Variants in ARPC5L observed in about 807,000 individuals in gnomAD.
ARPC5L encodes actin-related protein 2/3 complex subunit 5-like protein.
In ARPC5L, 4 loss-of-function variants were observed where a neutral mutation model predicts 16.9. That is an observed-to-expected ratio of 0.24 (90% confidence interval 0.12 to 0.54). ARPC5L has a LOEUF of 0.54. Ranked by LOEUF, ARPC5L falls within the 20% of genes least tolerant of loss-of-function variation. The probability of loss-of-function intolerance (pLI) is 0.95; values close to 1 mark genes in which losing one functional copy is unlikely to be tolerated. For synonymous variants in ARPC5L, 78 were observed against 82.6 expected (o/e 0.94, Z 0.30); for missense variants, 151 against 201.9 (o/e 0.75, Z 1.53).
Position 124,862,295 on chromosome 9 carries a change from C to T in ARPC5L, c.-1087C>T, listed in dbSNP as rs779219313. 3 of 211,382 alleles carry T rather than the reference C, an allele frequency of 1.4e-5. No homozygotes were observed. The highest frequency in any genetic ancestry group is 2.8e-5 in the Non-Finnish European group (3 of 106,222). The allele number at this position is 211,382 out of a possible 1,614,324, so 13.1% of individuals were successfully genotyped here. ...TTCCTTCGGGAAACCTTGCAGATCT[C>T]CCAATCTGGGCAACTCTGAGCTGGG... On this transcript the variant is annotated 5_prime_UTR_variant, in exon 1 of 6. Transcript: ENST00000353214.
chr9:124,866,267 G>A (rs1212008039), intron 2 of ARPC5L, among the ~76,000 whole-genome samples: 1 of 151,608 alleles, frequency 6.6e-6, no homozygotes, highest in African/African-American at 2.4e-5. Context: ...AGCCAGGTGT[G>A]GTGGCAGGTG....
rs377260680 is a variant in ARPC5L at position 124,874,967 on chromosome 9, G to C, written c.223-8G>C. 1 of 1,613,440 alleles carries C rather than the reference G, an allele frequency of 6.2e-7. No homozygotes were observed. Among genetic ancestry groups the C allele is most frequent in the Admixed American group, 1.7e-5 (1 of 59,988 alleles). On this transcript the variant is annotated splice_region_variant and splice_polypyrimidine_tract_variant and intron_variant, in intron 4 of 5. Coordinates refer to ENST00000353214, the MANE Select transcript of ARPC5L (RefSeq NM_030978.3). ...CTCTGGGACTCACTTGCTCTTTTTCGTCTGCAGGAGCGAGCCCAGGGCGTG... is the reference window on the plus strand; with the variant it reads ...CTCTGGGACTCACTTGCTCTTTTTCCTCTGCAGGAGCGAGCCCAGGGCGTG...
chr9:124,865,807 C>CA (rs969601351), intron 2 of ARPC5L, among the ~76,000 whole-genome samples: 7 of 148,614 alleles, frequency 4.7e-5, no homozygotes, highest in East Asian at 2.0e-4. Flanking sequence ...AAACAAAAAA[C>CA]AAAAAAAACA....
At chr9:124,867,950 C>T (rs926948941) in intron 2 of ARPC5L, among the ~76,000 whole-genome samples, 1 of 151,980 alleles carries the variant, frequency 6.6e-6, no homozygotes, top group African/African-American at 2.4e-5. Context: ...GCTGGGATTA[C>T]AGGCATGCGC....
rs1238486036 is a variant in ARPC5L, at chr9:124,875,146, G to A, written c.394G>A (p.Glu132Lys). Reference protein sequence around the residue: ...NSSAVLLQWHEKALAVGGLGS... With the variant: ...NSSAVLLQWHKKALAVGGLGS... Reference sequence around the variant, plus strand: ...CAGCGCAGTGTTACTCCAGTGGCACGAAAAGGTATGTGAACGCTGCCACGC... The same window carrying A: ...CAGCGCAGTGTTACTCCAGTGGCACAAAAAGGTATGTGAACGCTGCCACGC... The change falls in exon 5 of 6, where the codon GAA becomes AAA. Residue 132 changes from glutamate to lysine, a missense_variant. By Grantham distance (56) the Glu-to-Lys change is moderately conservative. Coordinates refer to ENST00000353214, the MANE Select transcript of ARPC5L (RefSeq NM_030978.3). The A allele has an allele frequency of 1.9e-6, 3 of 1,613,632 alleles. No homozygotes were observed. The highest frequency in any genetic ancestry group is 1.7e-5 in the Admixed American group (1 of 59,964).
intron 3 of ARPC5L, among the ~76,000 whole-genome samples, chr9:124,870,531 CCT>C (rs1829340975): frequency 6.6e-6 from 1 of 152,068 alleles, no homozygotes; most frequent in Admixed American, 6.5e-5. Flanking sequence ...CGGCAGTGCT[CCT>C]GAGTGTGCCT....
chr9:124,864,330 G>A (rs931640895), intron 2 of ARPC5L, among the ~76,000 whole-genome samples: 1 of 151,660 alleles, frequency 6.6e-6, no homozygotes, highest in African/African-American at 2.4e-5. Flanking sequence ...GGATTACATA[G>A]GTGCGTGCCA....
At position 124,868,724 on chromosome 9, in the gene ARPC5L, C is replaced by T. The variant is rs899780569; in HGVS notation, c.-567C>T. ...GTTCAAGGCTCCGAGACACAGGCGC[C>T]TCCCGCGCCACTCCCCGGGCACAGG... On this transcript the variant is annotated 5_prime_UTR_variant, in exon 3 of 6. Transcript: ENST00000353214. 3.9e-5 allele frequency: 6 copies of T among 152,468 alleles called. No individual in the cohort carries two copies. Among genetic ancestry groups the T allele is most frequent in the African/African-American group, 1.4e-4 (6 of 41,492 alleles). 9.4% of individuals were successfully genotyped at this position (152,468 alleles called of 1,614,324 possible).
chr9:124,870,502 T>A (rs1267756432), intron 3 of ARPC5L, among the ~76,000 whole-genome samples: 1 of 152,178 alleles, frequency 6.6e-6, no homozygotes, highest in Non-Finnish European at 1.5e-5. Context: ...AAGTGGGGCC[T>A]GCTGCTTTAG....
At chr9:124,871,775 C>T in intron 3 of ARPC5L, among the ~76,000 whole-genome samples, 1 of 152,082 alleles carries the variant, frequency 6.6e-6, no homozygotes, top group East Asian at 1.9e-4. Context: ...CCTCCACCCC[C>T]AGGAAACTGG....
intron 2 of ARPC5L, among the ~76,000 whole-genome samples, chr9:124,867,529 T>C (rs1829288133): frequency 6.6e-6 from 1 of 152,142 alleles, no homozygotes; most frequent in African/African-American, 2.4e-5. Flanking sequence ...TGACATCGTA[T>C]AATATGGATT....
chr9:124,869,080 G>A lies in ARPC5L; in HGVS notation c.-211G>A, dbSNP rs1829312531. 2 of 449,768 alleles carry A rather than the reference G, an allele frequency of 4.4e-6. No homozygotes were observed. Among genetic ancestry groups the A allele is most frequent in the Non-Finnish European group, 7.4e-6 (2 of 270,722 alleles). The allele number at this position is 449,768 out of a possible 1,614,324, so 27.9% of individuals were successfully genotyped here. A position where few individuals can be genotyped will look rare whatever the true frequency, so the allele number is the denominator to read the frequency against. On this transcript the variant is annotated 5_prime_UTR_variant, in exon 3 of 6. Coordinates refer to ENST00000353214, the MANE Select transcript of ARPC5L (RefSeq NM_030978.3). ...GGTGATCCCATACCGCACTCCAGGT[G>A]CCAGGCTCCGCCCCGCCCCTGACGG...
chr9:124,872,138 C>T (rs145689887), intron 3 of ARPC5L, among the ~76,000 whole-genome samples: 2 of 152,302 alleles, frequency 1.3e-5, no homozygotes, highest in Non-Finnish European at 2.9e-5. Context: ...ACAGCAGTAG[C>T]TTTTTGCCCC....
At chr9:124,869,567 C>T in intron 3 of ARPC5L, 128 bp downstream of exon 3, 3 of 1,355,520 alleles carry the variant, frequency 2.2e-6, no homozygotes, top group Non-Finnish European at 2.8e-6. Context: ...GGTCAGCCTC[C>T]AGCTCCCTGC....
chr9:124,863,177 T>G (rs1829227553), intron 1 of ARPC5L, among the ~76,000 whole-genome samples: 1 of 151,972 alleles, frequency 6.6e-6, no homozygotes, highest in Non-Finnish European at 1.5e-5. Context: ...TTTTTTGAGA[T>G]GGAGTCTGGC....
chr9:124,877,690 CTTAT>C lies in ARPC5L; in HGVS notation c.*754_*757del, dbSNP rs750556679. On this transcript the variant is annotated 3_prime_UTR_variant, in exon 6 of 6. Coordinates refer to ENST00000353214, the MANE Select transcript of ARPC5L (RefSeq NM_030978.3). The stretch of plus-strand genomic sequence containing the variant: ...GATTTGTATGTAATTAATTTTGGAG[CTTAT>C]TTAATTAATTTAATAAAGTGCCAAA... 9.2e-5 allele frequency: 14 copies of C among 151,732 alleles called. No individual in the cohort carries two copies. The highest frequency in any genetic ancestry group is 6.5e-4 in the Admixed American group (10 of 15,282). The allele number at this position is 151,732 out of a possible 1,614,324, so 9.4% of individuals were successfully genotyped here.
chr9:124,873,772 G>A lies in ARPC5L; in HGVS notation c.222+8G>A. The stretch of plus-strand genomic sequence containing the variant: ...AAGAATCAAGCTGTGAAGGTAAAGG[G>A]GTGGCGCTGCGGCTCTGCTGGGTGC... On this transcript the variant is annotated splice_region_variant and intron_variant, in intron 4 of 5. Transcript: ENST00000353214. 2 of 1,614,130 alleles carry A rather than the reference G, an allele frequency of 1.2e-6. No homozygotes were observed. Among genetic ancestry groups the A allele is most frequent in the Non-Finnish European group, 1.7e-6 (2 of 1,180,030 alleles).
intron 2 of ARPC5L, among the ~76,000 whole-genome samples, chr9:124,868,013 T>C (rs922768146): frequency 3.9e-5 from 6 of 152,116 alleles, no homozygotes; most frequent in Non-Finnish European, 8.8e-5. Context: ...TTCAGCATTT[T>C]GGTCAGGCTG....
intron 5 of ARPC5L, 55 bp downstream of exon 5, chr9:124,875,206 G>T: frequency 2.5e-6 from 4 of 1,574,496 alleles, no homozygotes; most frequent in South Asian, 1.2e-5. Flanking sequence ...CTTGGGGTTC[G>T]ATCAGCAGGC....
Sources: gnomAD v4.1 joint callset for allele counts (sites outside exome capture counted in the v4.1 genomes callset) on GRCh38, gnomAD v4.1.1 for gene constraint, MANE v1.5 for transcripts, NCBI Gene and HGNC (gene_info 2026-07-23, HGNC 2026-07-21) for gene names.